Variants in CNTN5 observed in about 807,000 individuals in gnomAD.
CNTN5 encodes the protein contactin 5.
A neutral mutation model predicts 129.1 loss-of-function variants in CNTN5; 77 were observed. The observed-to-expected ratio is 0.60, with a 90% CI of 0.50 to 0.72. CNTN5 has a LOEUF of 0.72. Among genes scored for constraint, CNTN5 ranks in the 30% least tolerant of loss-of-function variants. The pLI, the probability that CNTN5 is intolerant of heterozygous loss-of-function variation, is 0.00. For missense variants in CNTN5, 1,478 were observed against 1,328.8 expected, an observed-to-expected ratio of 1.11 and a Z score of -1.75; for synonymous variants, 509 against 465.6, an observed-to-expected ratio of 1.09 and a Z score of -1.20.
At chr11:99,969,643 C>T (rs147914770) in intron 8 of CNTN5, among the ~76,000 whole-genome samples, 129 of 152,158 alleles carry the variant, frequency 8.5e-4, no homozygotes, top group Non-Finnish European at 1.7e-3. Flanking sequence ...TTATTCTGAC[C>T]GCTCTGTAGT....
intron 3 of CNTN5, among the ~76,000 whole-genome samples, chr11:99,559,904 T>G (rs548301675): frequency 5.3e-5 from 8 of 152,206 alleles, no homozygotes; most frequent in African/African-American, 1.9e-4. Flanking sequence ...ACAAACATAT[T>G]AATGGATTCT....
intron 13 of CNTN5, among the ~76,000 whole-genome samples, chr11:100,147,727 C>CTAA (rs1946902017): frequency 6.6e-6 from 1 of 151,268 alleles, no homozygotes; most frequent in South Asian, 2.1e-4. Flanking sequence ...AAGAAAATGA[C>CTAA]TAATAGGATT....
chr11:99,807,107 C>A (rs540449855), intron 3 of CNTN5, among the ~76,000 whole-genome samples: 3 of 151,618 alleles, frequency 2.0e-5, no homozygotes, highest in Non-Finnish European at 2.9e-5. Flanking sequence ...TAATAAAGTG[C>A]AAATCTAATG....
chr11:99,793,087 TCTCA>T (rs1360941978), intron 3 of CNTN5, among the ~76,000 whole-genome samples: 1 of 151,636 alleles, frequency 6.6e-6, no homozygotes, highest in Non-Finnish European at 1.5e-5. Flanking sequence ...TTCGACACAG[TCTCA>T]CTCTGTCGCC....
At chr11:99,478,547 G>C (rs779088409) in intron 2 of CNTN5, among the ~76,000 whole-genome samples, 6 of 152,128 alleles carry the variant, frequency 3.9e-5, no homozygotes, top group Non-Finnish European at 7.4e-5. Flanking sequence ...TGAGTATCAG[G>C]AGGAGGGGAT....
intron 1 of CNTN5, among the ~76,000 whole-genome samples, chr11:99,322,344 G>C (rs568548220): frequency 1.3e-4 from 20 of 152,050 alleles, no homozygotes; most frequent in South Asian, 4.2e-4. Context: ...ACTTAGTGTT[G>C]GGCAATACAT....
chr11:100,335,245 T>C (rs1952011071), intron 21 of CNTN5, among the ~76,000 whole-genome samples: 1 of 152,118 alleles, frequency 6.6e-6, no homozygotes, highest in South Asian at 2.1e-4. Flanking sequence ...TTTATATGAC[T>C]GAATGAAAAT....
At chr11:100,238,537 G>GGAGGAGGAGGAGGGGGAAGAA in intron 16 of CNTN5, among the ~76,000 whole-genome samples, 1 of 148,618 alleles carries the variant, frequency 6.7e-6, no homozygotes, top group Non-Finnish European at 1.5e-5. Context: ...GGGTAGAAGA[G>GGAGGAGGAGGAGGGGGAAGAA]GAGGAGGAGG....
chr11:99,802,936 G>A (rs886613186), intron 3 of CNTN5, among the ~76,000 whole-genome samples: 5 of 152,178 alleles, frequency 3.3e-5, no homozygotes, highest in African/African-American at 7.2e-5. Context: ...CTGGTGAGCC[G>A]GTGTTTTGAA....
chr11:99,160,103 C>A (rs1439981048), intron 1 of CNTN5, among the ~76,000 whole-genome samples: 1 of 152,224 alleles, frequency 6.6e-6, no homozygotes, highest in East Asian at 1.9e-4. Flanking sequence ...AATATAGGAA[C>A]GTCTCTTGGT....
chr11:99,667,944 T>A (rs1199990989), intron 3 of CNTN5, among the ~76,000 whole-genome samples: 1 of 91,960 alleles, frequency 1.1e-5, no homozygotes, highest in Admixed American at 1.5e-4. Context: ...TCCTGAAACT[T>A]AAAGCAAAAG....
intron 4 of CNTN5, among the ~76,000 whole-genome samples, chr11:99,820,576 C>CCTCAGTTGGCATCTGAGGAATGATAAAG (rs375014291): frequency 4.6e-4 from 70 of 151,380 alleles, no homozygotes; most frequent in Admixed American, 8.6e-4. Flanking sequence ...ATGCCTGGTT[C>CCTCAGTTGGCATCTGAGGAATGATAAAG]ATTAACAGCA....
At chr11:100,071,352 T>G (rs1173653396) in intron 11 of CNTN5, among the ~76,000 whole-genome samples, 1 of 152,146 alleles carries the variant, frequency 6.6e-6, no homozygotes, top group Non-Finnish European at 1.5e-5. Flanking sequence ...ATATGAATCC[T>G]TCTTTCCCTT....
At position 100,037,944 on chromosome 11, in the gene CNTN5, AG is replaced by A. The variant is rs1374835398; in HGVS notation, c.981-23265del. 1.4e-4 allele frequency among the ~76,000 whole-genome samples: 21 copies of A among 152,120 alleles called. No homozygotes were observed. In the East Asian group the frequency reaches 3.7e-3, roughly 27 times the overall value. On this transcript the variant is annotated intron_variant, in intron 9 of 24. Coordinates refer to ENST00000524871, the MANE Select transcript of CNTN5 (RefSeq NM_014361.4). ...GCTCCTGGATTCATTGATTTTTTGAAGGGTTTTTGTGTCTCTATTTCCTTCA... is the reference window on the plus strand; with the variant it reads ...GCTCCTGGATTCATTGATTTTTTGAAGGTTTTTGTGTCTCTATTTCCTTCA...
At chr11:100,164,421 T>C (rs963715492) in intron 13 of CNTN5, among the ~76,000 whole-genome samples, 7 of 151,788 alleles carry the variant, frequency 4.6e-5, no homozygotes, top group East Asian at 3.9e-4. Context: ...TTATTCTATA[T>C]ACCAATCCTC....
At chr11:100,121,454 A>T (rs1160291842) in intron 13 of CNTN5, among the ~76,000 whole-genome samples, 1 of 151,852 alleles carries the variant, frequency 6.6e-6, no homozygotes, top group East Asian at 1.9e-4. Context: ...CAGATAAGGG[A>T]ACTTCAGCCT....
At chr11:99,891,753 G>A (rs376831178) in intron 6 of CNTN5, among the ~76,000 whole-genome samples, 30 of 152,054 alleles carry the variant, frequency 2.0e-4, no homozygotes, top group African/African-American at 4.6e-4. Context: ...GGGTTGGTTC[G>A]AAGTCTTTGC....
chr11:99,910,309 C>T (rs1949625094), intron 6 of CNTN5, among the ~76,000 whole-genome samples: 1 of 151,984 alleles, frequency 6.6e-6, no homozygotes, highest in South Asian at 2.1e-4. Flanking sequence ...GTCAAGGTAC[C>T]ATTCAACACT....
In CNTN5 at chr11:99,894,336, A is replaced by G. The variant is rs192789381; in HGVS notation, c.578-21718A>G. On this transcript the variant is annotated intron_variant, in intron 6 of 24. Coordinates refer to ENST00000524871, the MANE Select transcript of CNTN5 (RefSeq NM_014361.4). Reference sequence around the variant, plus strand: ...CTGTTAAATGTAAAGGCTTATAAAGACACCAGAGTCCTAAATGTGATGTGA... The same window carrying G: ...CTGTTAAATGTAAAGGCTTATAAAGGCACCAGAGTCCTAAATGTGATGTGA... Among the ~76,000 whole-genome samples, 523 of 152,168 alleles carry G rather than the reference A, an allele frequency of 3.4e-3. 1 individual carries two copies. Among genetic ancestry groups the G allele is most frequent in the African/African-American group, 0.012 (485 of 41,536 alleles).
Sources: allele counts gnomAD v4.1 joint callset (sites outside exome capture counted in the v4.1 genomes callset), GRCh38; gene constraint gnomAD v4.1.1; transcripts MANE v1.5; gene names NCBI Gene and HGNC (gene_info 2026-07-23, HGNC 2026-07-21).